CDH13: variants seen among roughly 807,000 people sequenced by gnomAD.
CDH13 encodes the protein cadherin 13.
CDH13 carries 24 observed loss-of-function variants against 63.8 expected under a neutral mutation model. That is an observed-to-expected ratio of 0.38 (90% CI 0.27 to 0.53). CDH13 has a LOEUF of 0.53. Ranked by LOEUF, CDH13 falls within the 20% of genes least tolerant of loss-of-function variation. The pLI is 0.85. For synonymous variants in CDH13, 503 were observed against 355.3 expected, an observed-to-expected ratio of 1.42 and a Z score of -4.67; for missense variants, 1,049 against 903.1, an observed-to-expected ratio of 1.16 and a Z score of -2.07.
chr16:83,131,232 G>A (rs75795304), intron 4 of CDH13, among the ~76,000 whole-genome samples: 2,003 of 118,602 alleles, frequency 0.017, 16 homozygotes, highest in Middle Eastern at 0.081. Context: ...GACAACCCGA[G>A]AGATCACTGC....
intron 3 of CDH13, among the ~76,000 whole-genome samples, chr16:83,043,989 A>T (rs569509692): frequency 6.6e-6 from 1 of 152,244 alleles, no homozygotes; most frequent in Non-Finnish European, 1.5e-5. Context: ...ACAAGCAGTG[A>T]ATAGCTAAGG....
At chr16:83,180,344 T>TC (rs1230239642) in intron 4 of CDH13, among the ~76,000 whole-genome samples, 3 of 151,966 alleles carry the variant, frequency 2.0e-5, no homozygotes, top group African/African-American at 7.2e-5. Flanking sequence ...ATTTTTTTTT[T>TC]CACATCCTTT....
chr16:83,338,527 G>T (rs2090650664), intron 5 of CDH13, among the ~76,000 whole-genome samples: 1 of 152,234 alleles, frequency 6.6e-6, no homozygotes, highest in Non-Finnish European at 1.5e-5. Flanking sequence ...CAGAGAGGTA[G>T]ACGTAAATTG....
At chr16:82,754,089 C>T (rs772638940) in intron 1 of CDH13, among the ~76,000 whole-genome samples, 1 of 152,188 alleles carries the variant, frequency 6.6e-6, no homozygotes, top group African/African-American at 2.4e-5. Flanking sequence ...GAGATGACAG[C>T]ACAGTCTGTT....
At chr16:82,971,570 C>G (rs749980798) in intron 2 of CDH13, among the ~76,000 whole-genome samples, 1 of 152,188 alleles carries the variant, frequency 6.6e-6, no homozygotes, top group Non-Finnish European at 1.5e-5. Context: ...TGGACATCAT[C>G]CAGTTCACCA....
chr16:82,695,823 G>T lies in CDH13; in HGVS notation c.45+68686G>T, dbSNP rs529864867. ...GAATAACTTTTAGGTTTGTAAGACAGCACATTTAATTTTTAACAGATTATG... is the reference window on the plus strand; with the variant it reads ...GAATAACTTTTAGGTTTGTAAGACATCACATTTAATTTTTAACAGATTATG... On this transcript the variant is annotated intron_variant, in intron 1 of 13. Coordinates refer to ENST00000567109, the MANE Select transcript of CDH13 (RefSeq NM_001257.5). 2.0e-5 allele frequency among the ~76,000 whole-genome samples: 3 copies of T among 152,196 alleles called. No homozygotes were observed. In the South Asian group the frequency reaches 6.2e-4, roughly 32 times the overall value.
intron 1 of CDH13, among the ~76,000 whole-genome samples, chr16:82,855,183 G>T (rs1218652186): frequency 2.6e-5 from 4 of 152,176 alleles, no homozygotes; most frequent in Non-Finnish European, 4.4e-5. Flanking sequence ...TCAGCAGCTG[G>T]AAAAGGTTTA....
chr16:83,049,594 C>G (rs543966862), intron 3 of CDH13, among the ~76,000 whole-genome samples: 39 of 152,202 alleles, frequency 2.6e-4, no homozygotes, highest in Non-Finnish European at 4.6e-4. Context: ...CTCAGCCTCC[C>G]AGAGTGCTGG....
chr16:82,771,761 G>T (rs905138537), intron 1 of CDH13, among the ~76,000 whole-genome samples: 14 of 152,214 alleles, frequency 9.2e-5, no homozygotes, highest in African/African-American at 3.4e-4. Context: ...TAGGAAAAAC[G>T]TATAGGGAAG....
intron 8 of CDH13, among the ~76,000 whole-genome samples, chr16:83,665,602 T>C (rs1913875678): frequency 6.6e-6 from 1 of 152,232 alleles, no homozygotes; most frequent in Non-Finnish European, 1.5e-5. Flanking sequence ...AAGGGCCAGA[T>C]GACTACATCC....
At chr16:82,723,835 T>C (rs899357154) in intron 1 of CDH13, among the ~76,000 whole-genome samples, 7 of 152,220 alleles carry the variant, frequency 4.6e-5, no homozygotes, top group Non-Finnish European at 1.0e-4. Flanking sequence ...TGCTAGGTTC[T>C]CAGTGTTGAG....
intron 2 of CDH13, among the ~76,000 whole-genome samples, chr16:82,883,340 G>T (rs1250162061): frequency 6.6e-6 from 1 of 152,192 alleles, no homozygotes; most frequent in East Asian, 1.9e-4. Flanking sequence ...AATAGCAGGA[G>T]AAAGGAAGCA....
intron 3 of CDH13, among the ~76,000 whole-genome samples, chr16:83,095,661 T>G (rs2151591331): frequency 6.6e-6 from 1 of 152,322 alleles, no homozygotes; most frequent in Non-Finnish European, 1.5e-5. Context: ...GTGCACTAAC[T>G]TGTTAGTTGA....
At chr16:83,525,588 A>G (rs751475596) in intron 7 of CDH13, among the ~76,000 whole-genome samples, 12 of 152,290 alleles carry the variant, frequency 7.9e-5, no homozygotes, top group Middle Eastern at 3.4e-3. Context: ...GTGAACCTCC[A>G]TTCTGACTTC....
Position 82,646,823 on chromosome 16 carries a change from A to T in CDH13, c.45+19686A>T, listed in dbSNP as rs1597210339. On this transcript the variant is annotated intron_variant, in intron 1 of 13. Coordinates refer to ENST00000567109, the MANE Select transcript of CDH13 (RefSeq NM_001257.5). The stretch of plus-strand genomic sequence containing the variant: ...TGCAATTAAGCCAGAGAGAGGAAGG[A>T]TGATGTTATAAGCTCGAGGGAAGCC... Among the ~76,000 whole-genome samples the T allele has an allele frequency of 2.6e-5, 4 of 152,270 alleles. No homozygotes were observed. The East Asian group carries it at 7.7e-4, about 29-fold the overall frequency.
chr16:83,447,503 G>A (rs2072744281), intron 6 of CDH13, among the ~76,000 whole-genome samples: 2 of 152,226 alleles, frequency 1.3e-5, no homozygotes, highest in Admixed American at 1.3e-4. Context: ...TTAGACAAGG[G>A]ATGTTGCCCT....
At chr16:82,714,987 T>C (rs551937599) in intron 1 of CDH13, among the ~76,000 whole-genome samples, 1 of 134,502 alleles carries the variant, frequency 7.4e-6, no homozygotes, top group South Asian at 2.9e-4. Flanking sequence ...TGTGATACTT[T>C]GTTCCAGCAT....
At chr16:83,207,653 T>C (rs938207902) in intron 4 of CDH13, among the ~76,000 whole-genome samples, 1 of 151,912 alleles carries the variant, frequency 6.6e-6, no homozygotes, top group Non-Finnish European at 1.5e-5. Flanking sequence ...CAATAATAAG[T>C]TTTAAAATAA....
At chr16:83,027,116 C>A (rs771647009) in intron 2 of CDH13, among the ~76,000 whole-genome samples, 216 of 124,986 alleles carry the variant, frequency 1.7e-3, no homozygotes, top group Middle Eastern at 0.013. Context: ...CCCCCCCCCA[C>A]CGCCCCGCCT....
Sources: gnomAD v4.1 joint callset for allele counts (sites outside exome capture counted in the v4.1 genomes callset) on GRCh38, gnomAD v4.1.1 for gene constraint, MANE v1.5 for transcripts, NCBI Gene and HGNC (gene_info 2026-07-23, HGNC 2026-07-21) for gene names.